The following CNGB1 variants were observed in gnomAD, a reference collection of about 807,000 sequenced individuals.
CNGB1 encodes the protein cyclic nucleotide-gated channel beta-1.
A neutral mutation model predicts 151.7 loss-of-function variants in CNGB1; 126 were observed. The ratio of observed to expected loss-of-function variants is 0.83; its 90% confidence interval spans 0.72 to 0.96. CNGB1 has a LOEUF of 0.96. Among genes scored for constraint, CNGB1 ranks in the 40% least tolerant of loss-of-function variants. The pLI is 0.00. For synonymous variants in CNGB1, 623 were observed against 635.1 expected (o/e 0.98, Z 0.29); for missense variants, 1,698 against 1,627.0 (o/e 1.04, Z -0.75).
At chr16:57,927,849 G>A (rs1452484219) in intron 17 of CNGB1, among the ~76,000 whole-genome samples, 3 of 152,158 alleles carry the variant, frequency 2.0e-5, no homozygotes, top group African/African-American at 7.2e-5. Flanking sequence ...TCCCCTAATG[G>A]GCTTTGTACA....
chr16:57,970,034 T>G (rs948480008), intron 1 of CNGB1, among the ~76,000 whole-genome samples: 6 of 152,184 alleles, frequency 3.9e-5, no homozygotes, highest in African/African-American at 1.4e-4. Context: ...GTGCTGCCTG[T>G]CCTCTACTTA....
At chr16:57,929,476 G>GAGGGAGAGAGA (rs1555490845) in intron 17 of CNGB1, among the ~76,000 whole-genome samples, 1 of 145,748 alleles carries the variant, frequency 6.9e-6, no homozygotes, top group African/African-American at 2.6e-5. Flanking sequence ...AGAGAGAGAG[G>GAGGGAGAGAGA]GAGAGAGAGA....
At chr16:57,963,087 C>A in intron 4 of CNGB1, 23 bp from the exon 5 acceptor site, 6 of 1,584,850 alleles carry the variant, frequency 3.8e-6, no homozygotes, top group Non-Finnish European at 5.2e-6. Context: ...GAGACACCAG[C>A]CCGCCCTCAA....
At chr16:57,957,298 C>A (rs761980383) in intron 12 of CNGB1, 43 bp downstream of exon 12, 3 of 1,595,146 alleles carry the variant, frequency 1.9e-6, no homozygotes, top group South Asian at 2.2e-5. Flanking sequence ...ACCAAGCAAC[C>A]CTTCCTAATA....
chr16:57,885,919 T>A (rs1959917061), intron 32 of CNGB1, among the ~76,000 whole-genome samples: 4 of 152,070 alleles, frequency 2.6e-5, no homozygotes, highest in Admixed American at 1.3e-4. Context: ...GACAACACAT[T>A]TCCAGGGCAG....
At position 57,897,458 on chromosome 16, in the gene CNGB1, CCTT is replaced by C; in HGVS notation, c.3178_3180del (p.Lys1060del). ...TAATGCACCAAAATCTCATTCAGGT[CCTT>C]CTTATCCAGGATGAAGAGGTTGGTA... is the stretch of plus-strand genomic sequence containing the variant. On this transcript the variant is annotated inframe_deletion, in exon 31 of 33. Coordinates refer to ENST00000251102, the MANE Select transcript of CNGB1 (RefSeq NM_001297.5). 6.2e-7 allele frequency: 1 copy of C among 1,614,206 alleles called. No individual in the cohort carries two copies. Among genetic ancestry groups the C allele is most frequent in the East Asian group, 2.2e-5 (1 of 44,888 alleles).
intron 12 of CNGB1, among the ~76,000 whole-genome samples, chr16:57,950,835 A>G (rs1961931528): frequency 6.6e-6 from 1 of 152,188 alleles, no homozygotes; most frequent in Non-Finnish European, 1.5e-5. Context: ...TTCCTTCTTA[A>G]AGGTTTGTGC....
chr16:57,964,375 T>G, intron 3 of CNGB1, 112 bp downstream of exon 3: 1 of 1,440,476 alleles, frequency 6.9e-7, no homozygotes, highest in African/African-American at 1.4e-5. Context: ...TCTCTGAGTC[T>G]CAGTTTCCTC....
chr16:57,917,382 G>A lies in CNGB1; in HGVS notation c.2052C>T (p.Thr684=). The A allele has an allele frequency of 1.2e-6, 2 of 1,614,056 alleles. No individual in the cohort carries two copies. The highest frequency in any genetic ancestry group is 1.7e-6 in the Non-Finnish European group (2 of 1,180,028). The change falls in exon 21 of 33, where the codon ACC becomes ACT. Residue 684 remains threonine (T), a synonymous_variant. Coordinates refer to ENST00000251102, the MANE Select transcript of CNGB1 (RefSeq NM_001297.5). Reference sequence around the variant, plus strand: ...GCAGCCAGTGGTGGATGTTGTCCGGGGTCTGGTAGGGGAAGGCCCAGCGCA... The same window carrying A: ...GCAGCCAGTGGTGGATGTTGTCCGGAGTCTGGTAGGGGAAGGCCCAGCGCA... ...IPVRWAFPYQ[T]PDNIHHWLLM... is the part of the protein sequence containing the mutation.
At chr16:57,891,589 C>G (rs1168075664) in intron 31 of CNGB1, among the ~76,000 whole-genome samples, 1 of 152,146 alleles carries the variant, frequency 6.6e-6, no homozygotes, top group Non-Finnish European at 1.5e-5. Flanking sequence ...CAGAGTCTCA[C>G]TTTGTTGCCC....
intron 31 of CNGB1, among the ~76,000 whole-genome samples, chr16:57,894,144 T>C (rs1246743008): frequency 1.3e-5 from 2 of 152,230 alleles, no homozygotes; most frequent in Admixed American, 6.5e-5. Flanking sequence ...GGAAATACCC[T>C]AAATGTCCAT....
chr16:57,903,235 T>A (rs1338725591), intron 27 of CNGB1, among the ~76,000 whole-genome samples: 1 of 150,032 alleles, frequency 6.7e-6, no homozygotes, highest in Non-Finnish European at 1.5e-5. Flanking sequence ...CTCACACCTG[T>A]AATCCCAGCA....
chr16:57,889,312 G>A (rs573916396), intron 31 of CNGB1, among the ~76,000 whole-genome samples: 19 of 152,306 alleles, frequency 1.2e-4, no homozygotes, highest in African/African-American at 4.3e-4. Context: ...CTCCCTTGAT[G>A]ACTTTGATGT....
At chr16:57,920,671 A>G in intron 18 of CNGB1, 127 bp from the exon 19 acceptor site, 3 of 1,121,630 alleles carry the variant, frequency 2.7e-6, no homozygotes, top group Non-Finnish European at 3.9e-6. Flanking sequence ...TCCTGCCCCC[A>G]TCTCCTTCTG....
chr16:57,958,228 C>A (rs1292124085), intron 11 of CNGB1, among the ~76,000 whole-genome samples, 182 bp downstream of exon 11: 2 of 132,652 alleles, frequency 1.5e-5, no homozygotes, highest in Non-Finnish European at 3.2e-5. Flanking sequence ...CTGTGAACTC[C>A]TGGCAGGTGG....
At chr16:57,951,997 C>T (rs1359961257) in intron 12 of CNGB1, among the ~76,000 whole-genome samples, 1 of 152,222 alleles carries the variant, frequency 6.6e-6, no homozygotes, top group African/African-American at 2.4e-5. Context: ...CAGGGAGGCT[C>T]CTCCAAGTGT....
At chr16:57,893,426 G>A (rs566570213) in intron 31 of CNGB1, among the ~76,000 whole-genome samples, 1 of 152,234 alleles carries the variant, frequency 6.6e-6, no homozygotes, top group African/African-American at 2.4e-5. Flanking sequence ...CCGGCCTGAA[G>A]TGATCCTTAT....
At chr16:57,922,357 G>A (rs1248056812) in intron 18 of CNGB1, among the ~76,000 whole-genome samples, 1 of 152,062 alleles carries the variant, frequency 6.6e-6, no homozygotes, top group Non-Finnish European at 1.5e-5. Context: ...CCCAGCCCTG[G>A]GGACAGTTCG....
At chr16:57,886,773 T>C (rs1233537771) in intron 32 of CNGB1, among the ~76,000 whole-genome samples, 1 of 152,228 alleles carries the variant, frequency 6.6e-6, no homozygotes, top group African/African-American at 2.4e-5. Flanking sequence ...TTGGCTTTGG[T>C]CACAGAAAAA....
Sources: gnomAD v4.1 joint callset for allele counts (sites outside exome capture counted in the v4.1 genomes callset) on GRCh38, gnomAD v4.1.1 for gene constraint, MANE v1.5 for transcripts, NCBI Gene and HGNC (gene_info 2026-07-23, HGNC 2026-07-21) for gene names.